The following VEPH1 variants were observed in gnomAD, a reference collection of about 807,000 sequenced individuals.
VEPH1 encodes the protein ventricular zone-expressed PH domain-containing protein homolog 1.
In VEPH1, 80 loss-of-function variants were observed where a neutral mutation model predicts 85.2. The observed-to-expected ratio is 0.94, with a 90% confidence interval of 0.78 to 1.13. The LOEUF is 1.13. VEPH1 is among the 50% of genes most tolerant of loss of function. The pLI is 0.00. For missense variants in VEPH1, 955 were observed against 980.5 expected, an observed-to-expected ratio of 0.97 and a Z score of 0.35; for synonymous variants, 297 against 348.0, an observed-to-expected ratio of 0.85 and a Z score of 1.63.
At chr3:157,460,473 C>T in intron 3 of VEPH1, 118 bp from the exon 4 acceptor site, 5 of 1,275,922 alleles carry the variant, frequency 3.9e-6, no homozygotes, top group Non-Finnish European at 5.3e-6. Flanking sequence ...TGTGAAAACA[C>T]AGGCCTTGCC....
chr3:157,349,148 A>G (rs1049569179), intron 9 of VEPH1, among the ~76,000 whole-genome samples: 1 of 152,240 alleles, frequency 6.6e-6, no homozygotes, highest in Non-Finnish European at 1.5e-5. Context: ...AAATCTAACA[A>G]ATCAAATCTA....
chr3:157,286,507 C>T, intron 12 of VEPH1, 50 bp downstream of exon 12: 1 of 1,468,552 alleles, frequency 6.8e-7, no homozygotes, highest in Non-Finnish European at 9.5e-7. Flanking sequence ...TGACAGATCC[C>T]TGTAATTTGG....
chr3:157,294,739 GCA>G (rs1178307265), intron 11 of VEPH1, among the ~76,000 whole-genome samples: 6 of 152,286 alleles, frequency 3.9e-5, no homozygotes, highest in East Asian at 1.9e-4. Context: ...TTGTGTTTCT[GCA>G]CAGTTAGGGC....
In VEPH1 at chr3:157,409,622, G is replaced by A. The variant is rs1350628205; in HGVS notation, c.906+4259C>T. 12 of 985,300 alleles carry A rather than the reference G, an allele frequency of 1.2e-5. No homozygotes were observed. The South Asian group carries it at 3.3e-4, about 27-fold the overall frequency. The allele number at this position is 985,300 out of a possible 1,614,324, so 61.0% of individuals were successfully genotyped here. ...TTTATATATACAACTCTTCTCTGCC[G>A]AATGTAATATAGATGGAAAAATTGT... On this transcript the variant is annotated intron_variant, in intron 6 of 13. Transcript: ENST00000362010.
intron 4 of VEPH1, among the ~76,000 whole-genome samples, chr3:157,448,268 C>T (rs1397849396): frequency 6.6e-6 from 1 of 152,112 alleles, no homozygotes; most frequent in Non-Finnish European, 1.5e-5. Context: ...GGAATTTGGA[C>T]TCTTGATGAG....
chr3:157,327,467 A>G (rs1027851520), intron 9 of VEPH1, among the ~76,000 whole-genome samples: 3 of 152,194 alleles, frequency 2.0e-5, no homozygotes, highest in African/African-American at 7.2e-5. Flanking sequence ...TCTAAGTTGT[A>G]ATATAAAATA....
chr3:157,398,003 C>T (rs1360534257), intron 6 of VEPH1, among the ~76,000 whole-genome samples: 1 of 152,132 alleles, frequency 6.6e-6, no homozygotes, highest in Non-Finnish European at 1.5e-5. Flanking sequence ...AAACCATGCC[C>T]TCGTCTCTTC....
intron 4 of VEPH1, among the ~76,000 whole-genome samples, chr3:157,450,909 T>C (rs1451621858): frequency 1.3e-5 from 2 of 152,164 alleles, no homozygotes; most frequent in African/African-American, 4.8e-5. Context: ...ACCTGGTATA[T>C]AGTAAGCACT....
intron 9 of VEPH1, among the ~76,000 whole-genome samples, chr3:157,351,508 A>G (rs527308840): frequency 6.6e-6 from 1 of 152,300 alleles, no homozygotes; most frequent in South Asian, 2.1e-4. Flanking sequence ...TCCTCAATTA[A>G]TAGGTGATCA....
intron 2 of VEPH1, among the ~76,000 whole-genome samples, chr3:157,474,897 G>T (rs970994818): frequency 1.3e-5 from 2 of 151,004 alleles, no homozygotes; most frequent in Admixed American, 1.3e-4. Flanking sequence ...AAAATGATTT[G>T]CTTTAATTTG....
In VEPH1 at chr3:157,470,464, G is replaced by T. The variant is rs767848621; in HGVS notation, c.204C>A (p.Ala68=). ...TTTCAATGGACTCGGTCTCTCTGATGGCTGTTGTGATTCTTGTGATACAGA... is the reference window on the plus strand; with the variant it reads ...TTTCAATGGACTCGGTCTCTCTGATTGCTGTTGTGATTCTTGTGATACAGA... ...VEICITRITT[A]IRETESIEKH... The change falls in exon 3 of 14, where the codon GCC becomes GCA. Residue 68 remains alanine (A), a synonymous_variant. Transcript: ENST00000362010. 10 of 1,614,006 alleles carry T rather than the reference G, an allele frequency of 6.2e-6. No individual in the cohort carries two copies. In the South Asian group the frequency reaches 1.1e-4, roughly 18 times the overall value.
At chr3:157,381,819 A>C in intron 6 of VEPH1, 1 of 163,228 alleles carries the variant, frequency 6.1e-6, no homozygotes, top group Admixed American at 5.7e-5. Flanking sequence ...GCTCAAGTTG[A>C]ATAATCAGTT....
Position 157,313,676 on chromosome 3 carries a change from C to G in VEPH1, c.1955G>C (p.Gly652Ala), listed in dbSNP as rs201853660. The G allele has an allele frequency of 7.7e-5, 125 of 1,614,040 alleles. No individual in the cohort carries two copies. Among genetic ancestry groups the G allele is most frequent in the Non-Finnish European group, 9.4e-5 (111 of 1,180,030 alleles). Residue 652 changes from glycine to alanine, a missense_variant, in exon 11 of 14, where the codon GGG becomes GCG. Transcript: ENST00000362010. ...LRALWEKTQAGGAHSFETAMM... is the reference protein window; with the variant it reads ...LRALWEKTQAAGAHSFETAMM... ...GGCAGTTTCAAAGCTGTGAGCACCC[C>G]CTGCCTGGGTCTTCTCCCACAGAGC...
intron 6 of VEPH1, among the ~76,000 whole-genome samples, chr3:157,407,062 G>T (rs573106104): frequency 1.3e-5 from 2 of 151,484 alleles, no homozygotes; most frequent in South Asian, 2.1e-4. Flanking sequence ...TGTTAGGAAA[G>T]AGGGCTATAA....
intron 4 of VEPH1, chr3:157,459,964 T>C: frequency 2.0e-6 from 3 of 1,537,476 alleles, no homozygotes; most frequent in Non-Finnish European, 1.7e-6. Context: ...TTACAATTCT[T>C]TTAATGAGTC....
At chr3:157,308,759 A>C (rs1466537161) in intron 11 of VEPH1, among the ~76,000 whole-genome samples, 2 of 152,112 alleles carry the variant, frequency 1.3e-5, no homozygotes, top group Non-Finnish European at 2.9e-5. Context: ...GAACGTGGTA[A>C]TATCACTGTT....
At chr3:157,490,417 A>G (rs60530473) in intron 2 of VEPH1, among the ~76,000 whole-genome samples, 231 of 152,002 alleles carry the variant, frequency 1.5e-3, no homozygotes, top group African/African-American at 5.2e-3. Context: ...ACTACAAAAG[A>G]AAAAAGAAAA....
intron 12 of VEPH1, among the ~76,000 whole-genome samples, chr3:157,276,894 ATTT>A (rs36002636): frequency 1.3e-4 from 18 of 141,594 alleles, no homozygotes; most frequent in Admixed American, 2.1e-4. Flanking sequence ...GAAGAAGATA[ATTT>A]TTTTTTTTTT....
rs766451594 is a variant in VEPH1, at chr3:157,413,963, A to G, written c.824T>C (p.Met275Thr). The part of the protein sequence containing the change: ...EPVALNSFLP[M>T]LKEIGERFPY... ...GAATCTCTCACCAATCTCTTTCAGC[A>G]TTGGAAGAAAACTGTTCAAAGCCAC... is the stretch of plus-strand genomic sequence containing the variant. The change falls in exon 6 of 14, where the codon ATG (methionine) becomes ACG (threonine). Residue 275 changes from methionine to threonine, a missense_variant. Coordinates refer to ENST00000362010, the MANE Select transcript of VEPH1 (RefSeq NM_001167912.2). The G allele has an allele frequency of 8.7e-6, 14 of 1,613,638 alleles. No homozygotes were observed. Among genetic ancestry groups the G allele is most frequent in the South Asian group, 5.5e-5 (5 of 91,060 alleles).
Sources: gnomAD v4.1 joint callset for allele counts (sites outside exome capture counted in the v4.1 genomes callset) on GRCh38, gnomAD v4.1.1 for gene constraint, MANE v1.5 for transcripts, NCBI Gene and HGNC (gene_info 2026-07-23, HGNC 2026-07-21) for gene names.